Variants in ZDHHC13 observed in about 807,000 individuals in gnomAD.
ZDHHC13 encodes the protein palmitoyltransferase ZDHHC13.
ZDHHC13 carries 85 observed loss-of-function variants against 86.0 expected under a neutral mutation model. The observed-to-expected ratio is 0.99, with a 90% CI of 0.83 to 1.18. The LOEUF (loss-of-function observed/expected upper bound fraction) is 1.18. Ranked by LOEUF, ZDHHC13 falls within the 50% of genes most tolerant of loss-of-function variation. The probability of loss-of-function intolerance (pLI) is 0.00; values close to 1 mark genes in which losing one functional copy is unlikely to be tolerated. For synonymous variants in ZDHHC13, 263 were observed against 246.4 expected (o/e 1.07, Z -0.63); for missense variants, 711 against 730.2 (o/e 0.97, Z 0.30).
intron 9 of ZDHHC13, among the ~76,000 whole-genome samples, chr11:19,158,508 T>C (rs569225955): frequency 6.6e-6 from 1 of 152,268 alleles, no homozygotes; most frequent in African/African-American, 2.4e-5. Context: ...ACAAATATCA[T>C]TTTAGTCTCT....
intron 14 of ZDHHC13, chr11:19,169,942 T>C (rs1212884973): frequency 2.0e-6 from 2 of 990,320 alleles, no homozygotes; most frequent in African/African-American, 1.7e-5. Context: ...TGCATGCTAT[T>C]AGATTGTATT....
At chr11:19,123,829 G>T (rs1187168796) in intron 1 of ZDHHC13, among the ~76,000 whole-genome samples, 1 of 152,128 alleles carries the variant, frequency 6.6e-6, no homozygotes, top group Non-Finnish European at 1.5e-5. Flanking sequence ...GCAACTAGGG[G>T]AGTACAGGTG....
intron 2 of ZDHHC13, 25 bp from the exon 3 acceptor site, chr11:19,146,156 T>G (rs1849457926): frequency 1.3e-6 from 2 of 1,544,426 alleles, no homozygotes; most frequent in Non-Finnish European, 1.7e-6. Context: ...TTGTATCAAT[T>G]ATGCTTTTTT....
At position 19,117,618 on chromosome 11, in the gene ZDHHC13, GACAC is replaced by G. The variant is rs1182667296; in HGVS notation, c.27+345_27+348del. 3.3e-6 allele frequency: 1 copy of G among 306,212 alleles called. No homozygotes were observed. Among genetic ancestry groups the G allele is most frequent in the Non-Finnish European group, 6.0e-6 (1 of 166,802 alleles). 19.0% of individuals were successfully genotyped at this position (306,212 alleles called of 1,614,324 possible). A position where few individuals can be genotyped will look rare whatever the true frequency, so the allele number is the denominator to read the frequency against. On this transcript the variant is annotated intron_variant, in intron 1 of 16. Transcript: ENST00000446113. This position sits in a 1 kb window ranked among gnomAD's most constrained non-coding sequence, Gnocchi z 4.2. ...GCCCTTCCCGGGAGAGGTGTCAGGTGACACACCTGATTCGGACCCGCCCGTCTTG... is the reference window on the plus strand; with the variant it reads ...GCCCTTCCCGGGAGAGGTGTCAGGTGACCTGATTCGGACCCGCCCGTCTTG...
At chr11:19,174,871 A>T (rs1341569908) in intron 16 of ZDHHC13, among the ~76,000 whole-genome samples, 1 of 152,188 alleles carries the variant, frequency 6.6e-6, no homozygotes, top group Non-Finnish European at 1.5e-5. Context: ...ATTTATAAAG[A>T]TGCACAGAGG....
chr11:19,169,925 A>C (rs1850173976), intron 14 of ZDHHC13: 10 of 987,898 alleles, frequency 1.0e-5, no homozygotes, highest in Non-Finnish European at 1.1e-5. Flanking sequence ...ACCCATGCCC[A>C]GCTCCCTGCA....
At chr11:19,165,581 T>C (rs536461889) in intron 13 of ZDHHC13, among the ~76,000 whole-genome samples, 8 of 152,284 alleles carry the variant, frequency 5.3e-5, no homozygotes, top group Admixed American at 2.6e-4. Context: ...ATCTCCAGCA[T>C]TGAGAAGGCA....
chr11:19,141,768 T>C (rs553960588), intron 1 of ZDHHC13, among the ~76,000 whole-genome samples: 4 of 152,090 alleles, frequency 2.6e-5, no homozygotes, highest in Non-Finnish European at 5.9e-5. Context: ...CAAATTAGTT[T>C]GAATGACAAA....
intron 15 of ZDHHC13, among the ~76,000 whole-genome samples, chr11:19,171,261 A>G (rs1590094758): frequency 6.6e-6 from 1 of 152,094 alleles, no homozygotes; most frequent in Non-Finnish European, 1.5e-5. Context: ...TCCATCCCCT[A>G]TGAGCCTAAC....
intron 13 of ZDHHC13, among the ~76,000 whole-genome samples, 170 bp downstream of exon 13, chr11:19,165,315 A>G (rs1023161305): frequency 3.3e-5 from 5 of 152,240 alleles, no homozygotes; most frequent in African/African-American, 7.2e-5. Context: ...ATATTTGCAC[A>G]TGCATCATTC....
At chr11:19,168,269 G>C (rs1434558876) in intron 14 of ZDHHC13, 1 of 152,164 alleles carries the variant, frequency 6.6e-6, no homozygotes, top group Non-Finnish European at 1.5e-5. Context: ...TCTTGGACTG[G>C]ATCCTATGGG....
At position 19,164,497 on chromosome 11, in the gene ZDHHC13, G is replaced by A. The variant is rs534670261; in HGVS notation, c.1296+134G>A. On this transcript the variant is annotated intron_variant, in intron 12 of 16. Coordinates refer to ENST00000446113, the MANE Select transcript of ZDHHC13 (RefSeq NM_019028.3). ...TACCCATTTCTAATTTTACATTCCTGTCTGAACAGCTTTCTGTCTTGAACA... is the reference window on the plus strand; with the variant it reads ...TACCCATTTCTAATTTTACATTCCTATCTGAACAGCTTTCTGTCTTGAACA... The A allele has an allele frequency of 3.6e-4, 294 of 806,288 alleles. No homozygotes were observed. In the Middle Eastern group the frequency reaches 3.8e-3, roughly 10 times the overall value. The allele number at this position is 806,288 out of a possible 1,614,324, so 49.9% of individuals were successfully genotyped here.
intron 4 of ZDHHC13, 112 bp downstream of exon 4, chr11:19,147,785 T>G: frequency 1.8e-6 from 1 of 557,012 alleles, no homozygotes; most frequent in Admixed American, 4.7e-5. Flanking sequence ...CCCCCCCCCT[T>G]TATTTAAAAA....
intron 15 of ZDHHC13, 24 bp from the exon 16 acceptor site, chr11:19,172,699 C>T (rs750294356): frequency 6.4e-7 from 1 of 1,559,812 alleles, no homozygotes; most frequent in Non-Finnish European, 8.7e-7. Context: ...TGAATGTGTG[C>T]AACCTTCCAC....
chr11:19,166,719 G>GAAAAAA (rs11341471), intron 14 of ZDHHC13: 1 of 144,882 alleles, frequency 6.9e-6, no homozygotes, highest in African/African-American at 2.6e-5. Context: ...AATAAAACAG[G>GAAAAAA]AAAAAAAAAA....
At chr11:19,126,579 AC>A (rs1848884693) in intron 1 of ZDHHC13, among the ~76,000 whole-genome samples, 1 of 134,530 alleles carries the variant, frequency 7.4e-6, no homozygotes, top group South Asian at 2.3e-4. Flanking sequence ...TGAACTCCTT[AC>A]CTCAAGTGAT....
chr11:19,145,977 A>T (rs902249413), intron 2 of ZDHHC13, among the ~76,000 whole-genome samples: 2 of 152,334 alleles, frequency 1.3e-5, no homozygotes, highest in Admixed American at 6.5e-5. Flanking sequence ...CAAAGAGATT[A>T]ATCTGATCAG....
chr11:19,131,416 C>A (rs181141310), intron 1 of ZDHHC13, among the ~76,000 whole-genome samples: 1 of 152,072 alleles, frequency 6.6e-6, no homozygotes, highest in African/African-American at 2.4e-5. Flanking sequence ...TTATAATTTT[C>A]GCCAACTTTG....
In ZDHHC13 at chr11:19,175,958, T is replaced by A; in HGVS notation, c.1867T>A (p.Ter623ArgextTer25). Residue 623 changes from the stop codon to arginine (R), a stop_lost, in exon 17 of 17, where the codon TGA becomes AGA. Coordinates refer to ENST00000446113, the MANE Select transcript of ZDHHC13 (RefSeq NM_019028.3). ...CAGGGAGAAGGTTCTTCGCTCAGTA[T>A]GAAGAAAAGCAACCCAAAACTCTCA... is the stretch of plus-strand genomic sequence containing the variant. The part of the protein sequence containing the change: ...PAREKVLRSV[*>R] 1.3e-6 allele frequency: 2 copies of A among 1,598,566 alleles called. No individual in the cohort carries two copies. Among genetic ancestry groups the A allele is most frequent in the Non-Finnish European group, 1.7e-6 (2 of 1,175,586 alleles).
Sources: allele counts gnomAD v4.1 joint callset (sites outside exome capture counted in the v4.1 genomes callset), GRCh38; gene constraint gnomAD v4.1.1; non-coding constraint Gnocchi (gnomAD v3.1); transcripts MANE v1.5; gene names NCBI Gene and HGNC (gene_info 2026-07-23, HGNC 2026-07-21).